Variants in PRAMEF2 observed in about 807,000 individuals in gnomAD.
PRAMEF2 encodes the protein PRAME family member 2.
A neutral mutation model predicts 38.0 loss-of-function variants in PRAMEF2; 35 were observed. The observed-to-expected ratio is 0.92, with a 90% CI of 0.70 to 1.22. PRAMEF2 has a LOEUF of 1.22. Among genes scored for constraint, PRAMEF2 ranks in the 50% most tolerant of loss-of-function variants. The probability of loss-of-function intolerance (pLI) is 0.00; values close to 1 mark genes in which losing one functional copy is unlikely to be tolerated. For missense variants in PRAMEF2, 562 were observed against 553.9 expected (o/e 1.01, Z -0.15); for synonymous variants, 240 against 232.4 (o/e 1.03, Z -0.30).
At position 12,859,996 on chromosome 1, in the gene PRAMEF2, G is replaced by C. The variant is rs776103602; in HGVS notation, c.591G>C (p.Lys197Asn). The change falls in exon 3 of 4, where the codon AAG (lysine) becomes AAC (asparagine). Residue 197 changes from lysine to asparagine, a missense_variant. Physicochemically the swap from Lys to Asn is moderately conservative, Grantham distance 94. Around this residue, in one of 2 missense-constraint regions of PRAMEF2, gnomAD observed 486 missense variants for 444.2 expected, o/e 1.09. Coordinates refer to ENST00000240189, the MANE Select transcript of PRAMEF2 (RefSeq NM_023014.1). ...TAACGCCAATTAAATATCTCAGAAA[G>C]TCATTGAAAATAATATACATTAATA... is the stretch of plus-strand genomic sequence containing the variant. ...NYLTPIKYLRKSLKIIYINSI... is the reference protein window; with the variant it reads ...NYLTPIKYLRNSLKIIYINSI... 13 of 1,607,562 alleles carry C rather than the reference G, an allele frequency of 8.1e-6. 1 individual carries two copies. Among genetic ancestry groups the C allele is most frequent in the South Asian group, 6.6e-5 (6 of 90,672 alleles).
In PRAMEF2 at chr1:12,858,995, T is replaced by C. The variant is rs2100388565; in HGVS notation, c.-15T>C. On this transcript the variant is annotated 5_prime_UTR_variant, in exon 2 of 4. Transcript: ENST00000240189. ...GGATTTGTCTTCTAGAGATTTTTCTTGCAGATCCATCAGGATGAGCATCCA... is the reference window on the plus strand; with the variant it reads ...GGATTTGTCTTCTAGAGATTTTTCTCGCAGATCCATCAGGATGAGCATCCA... 6.3e-7 allele frequency: 1 copy of C among 1,597,008 alleles called. No individual in the cohort carries two copies. Among genetic ancestry groups the C allele is most frequent in the South Asian group, 1.1e-5 (1 of 90,118 alleles).
chr1:12,859,072 G>A lies in PRAMEF2; in HGVS notation c.63G>A (p.Gln21=). ...CGGGGCAGAGCCTGCTGAGAGACCA[G>A]GCCTTGTCCATCTCTGCCATGGAGG... The part of the protein sequence containing the change: ...ELAGQSLLRD[Q]ALSISAMEEL... Residue 21 remains glutamine, a synonymous_variant, in exon 2 of 4, where the codon CAG becomes CAA. Transcript: ENST00000240189. 6.2e-7 allele frequency: 1 copy of A among 1,604,380 alleles called. No individual in the cohort carries two copies. The highest frequency in any genetic ancestry group is 8.5e-7 in the Non-Finnish European group (1 of 1,176,398).
Position 12,859,944 on chromosome 1 carries a change from T to C in PRAMEF2, c.539T>C (p.Leu180Pro). Residue 180 changes from leucine (L) to proline (P), a missense_variant, in exon 3 of 4, where the codon CTG (leucine) becomes CCG (proline). Physicochemically the swap from Leu to Pro is moderately conservative, Grantham distance 98 (BLOSUM62 -3). Coordinates refer to ENST00000240189, the MANE Select transcript of PRAMEF2 (RefSeq NM_023014.1). ...TACCAAAGGAGAGGTTTAGTACACCTGTGCTGTAGTAAGCTGGTCAATTAT... is the reference window on the plus strand; with the variant it reads ...TACCAAAGGAGAGGTTTAGTACACCCGTGCTGTAGTAAGCTGGTCAATTAT... Reference protein sequence around the residue: ...WVYQRRGLVHLCCSKLVNYLT... With the variant: ...WVYQRRGLVHPCCSKLVNYLT... 1.9e-6 allele frequency: 3 copies of C among 1,608,438 alleles called. No individual in the cohort carries two copies. The highest frequency in any genetic ancestry group is 2.5e-6 in the Non-Finnish European group (3 of 1,177,180).
At position 12,860,030 on chromosome 1, in the gene PRAMEF2, G is replaced by T. The variant is rs2100390807; in HGVS notation, c.625G>T (p.Glu209Ter). The T allele has an allele frequency of 6.2e-7, 1 of 1,606,854 alleles. No individual in the cohort carries two copies. The highest frequency in any genetic ancestry group is 1.1e-5 in the South Asian group (1 of 90,478). ...LKIIYINSIG[E>*]LEIHNTCWPH... ...AATAATATACATTAATAGTATTGGG[G>T]AGCTGGAAATTCACAACACGTGCTG... Residue 209 changes from glutamate to a stop codon, truncating the protein, a stop_gained, in exon 3 of 4, where the codon GAG becomes TAG. Coordinates refer to ENST00000240189, the MANE Select transcript of PRAMEF2 (RefSeq NM_023014.1). LOFTEE classifies it high-confidence loss of function.
At position 12,859,118 on chromosome 1, in the gene PRAMEF2, C is replaced by A. The variant is rs1188807939; in HGVS notation, c.109C>A (p.Leu37Ile). The A allele has an allele frequency of 6.2e-7, 1 of 1,606,418 alleles. No homozygotes were observed. The highest frequency in any genetic ancestry group is 1.3e-5 in the African/African-American group (1 of 74,200). ...GGAGGAGCTGCCCAGGGTGCTCTAT[C>A]TCCCACTCTTCAGGGAGGCCTTCAG... ...AMEELPRVLYLPLFREAFSRR... is the reference protein window; with the variant it reads ...AMEELPRVLYIPLFREAFSRR... The change falls in exon 2 of 4, where the codon CTC becomes ATC. Residue 37 changes from leucine (L) to isoleucine (I), a missense_variant. Physicochemically the swap from Leu to Ile is conservative, Grantham distance 5 (BLOSUM62 2). This residue lies in a region of PRAMEF2 where 486 missense variants were observed against 444.2 expected (regional missense o/e 1.09). Transcript: ENST00000240189.
At chr1:12,858,747 G>C (rs1640485843) in intron 1 of PRAMEF2, among the ~76,000 whole-genome samples, 1 of 149,744 alleles carries the variant, frequency 6.7e-6, no homozygotes, top group Admixed American at 6.9e-5. Context: ...GTGGAGCGAA[G>C]GATGAAAATT....
At chr1:12,858,872 G>A in intron 1 of PRAMEF2, 113 bp from the exon 2 acceptor site, 1 of 1,248,512 alleles carries the variant, frequency 8.0e-7, no homozygotes, top group Non-Finnish European at 1.1e-6. Flanking sequence ...TGGAATTGGG[G>A]TAAAGTGGTA....
intron 1 of PRAMEF2, among the ~76,000 whole-genome samples, chr1:12,858,545 G>A (rs536583455): frequency 6.7e-6 from 1 of 150,158 alleles, no homozygotes; most frequent in African/African-American, 2.4e-5. Context: ...TAATGGCATC[G>A]ATTTTAGGGA....
In PRAMEF2 at chr1:12,859,380, T is replaced by G. The variant is rs1429549175; in HGVS notation, c.287+84T>G. 11 of 1,598,978 alleles carry G rather than the reference T, an allele frequency of 6.9e-6. 1 individual carries two copies. Among genetic ancestry groups the G allele is most frequent in the South Asian group, 6.7e-5 (6 of 90,002 alleles). ...GGGTCAGGCAGAGAAGTAACCCAAG[T>G]GCGGCCCAGAGTCTTCTGATGGTGT... On this transcript the variant is annotated intron_variant, in intron 2 of 3. Transcript: ENST00000240189.
chr1:12,860,415 T>A (rs1640528468), intron 3 of PRAMEF2, 144 bp downstream of exon 3: 2 of 1,496,594 alleles, frequency 1.3e-6, no homozygotes, highest in Admixed American at 4.2e-5. Flanking sequence ...ATTGTCCCAT[T>A]CAGTGTTCCA....
Position 12,860,000 on chromosome 1 carries a change from T to A in PRAMEF2, c.595T>A (p.Leu199Met). 1 of 1,607,454 alleles carries A rather than the reference T, an allele frequency of 6.2e-7. No individual in the cohort carries two copies. The highest frequency in any genetic ancestry group is 8.5e-7 in the Non-Finnish European group (1 of 1,176,786). The change falls in exon 3 of 4, where the codon TTG (leucine) becomes ATG (methionine). Residue 199 changes from leucine to methionine, a missense_variant. By Grantham distance (15) the Leu-to-Met change is conservative. Coordinates refer to ENST00000240189, the MANE Select transcript of PRAMEF2 (RefSeq NM_023014.1). ...LTPIKYLRKS[L>M]KIIYINSIGE... ...GCCAATTAAATATCTCAGAAAGTCATTGAAAATAATATACATTAATAGTAT... is the reference window on the plus strand; with the variant it reads ...GCCAATTAAATATCTCAGAAAGTCAATGAAAATAATATACATTAATAGTAT...
intron 3 of PRAMEF2, among the ~76,000 whole-genome samples, chr1:12,860,739 C>T (rs144006670): frequency 0.046 from 6,852 of 149,658 alleles, 99 homozygotes; most frequent in East Asian, 0.22. Flanking sequence ...GTTTTGAACT[C>T]CAGGAAAGGT....
rs185428495 is a variant in PRAMEF2 at position 12,857,687 on chromosome 1, C to A, written c.-26+540C>A. Among the ~76,000 whole-genome samples the A allele has an allele frequency of 1.4e-3, 204 of 141,986 alleles. 13 individuals carry two copies. The Middle Eastern group carries it at 0.019, about 13-fold the overall frequency. The allele number at this position is 141,986 out of a possible 152,430, so 93.1% of individuals were successfully genotyped here. On this transcript the variant is annotated intron_variant, in intron 1 of 3. Coordinates refer to ENST00000240189, the MANE Select transcript of PRAMEF2 (RefSeq NM_023014.1). ...AGTGCTCTAGAATAGCATGGTAGCA[C>A]TTTTACAGTTTCTGGTTGATTTTTT...
rs758988826 is a variant in PRAMEF2, at chr1:12,859,782, C to T, written c.377C>T (p.Pro126Leu). The change falls in exon 3 of 4, where the codon CCA (proline) becomes CTA (leucine). Residue 126 changes from proline to leucine, a missense_variant. Pro to Leu is a moderately conservative substitution (Grantham distance 98). Transcript: ENST00000240189. Reference protein sequence around the residue: ...WPGAWALSCFPEAMSKRQTAE... With the variant: ...WPGAWALSCFLEAMSKRQTAE... ...GGAGCCTGGGCCCTGTCCTGCTTCC[C>T]AGAGGCCATGAGTAAGAGGCAGACA... 5.6e-6 allele frequency: 9 copies of T among 1,606,794 alleles called. 1 individual carries two copies. The highest frequency in any genetic ancestry group is 2.7e-5 in the African/African-American group (2 of 74,324).
rs1446456858 is a variant in PRAMEF2, at chr1:12,859,984, A to G, written c.579A>G (p.Lys193=). ...SKLVNYLTPI[K]YLRKSLKIIY... The stretch of plus-strand genomic sequence containing the variant: ...TGGTCAATTATCTAACGCCAATTAA[A>G]TATCTCAGAAAGTCATTGAAAATAA... Residue 193 remains lysine (K), a synonymous_variant, in exon 3 of 4, where the codon AAA becomes AAG. Transcript: ENST00000240189. 10 of 1,607,662 alleles carry G rather than the reference A, an allele frequency of 6.2e-6. No homozygotes were observed. The highest frequency in any genetic ancestry group is 1.1e-5 in the South Asian group (1 of 90,698).
Position 12,860,361 on chromosome 1 carries a change from C to T in PRAMEF2, c.866+90C>T, listed in dbSNP as rs546386968. On this transcript the variant is annotated intron_variant, in intron 3 of 3. Transcript: ENST00000240189. ...TTAGAAGGCGTGTACTGTGTGCCAG[C>T]CAGTGGCAACGTCACAGTGAAGGGA... is the stretch of plus-strand genomic sequence containing the variant. The T allele has an allele frequency of 2.7e-5, 42 of 1,559,490 alleles. 1 individual carries two copies. In the South Asian group the frequency reaches 4.7e-4, roughly 17 times the overall value.
intron 2 of PRAMEF2, 54 bp downstream of exon 2, chr1:12,859,350 C>G: frequency 6.2e-7 from 1 of 1,605,738 alleles, no homozygotes; most frequent in Non-Finnish European, 8.5e-7. Flanking sequence ...AGGGAAAGAA[C>G]AGCAGGGTCA....
chr1:12,861,065 AG>A lies in PRAMEF2; in HGVS notation c.867-153del, dbSNP rs924394934. On this transcript the variant is annotated intron_variant, in intron 3 of 3. Coordinates refer to ENST00000240189, the MANE Select transcript of PRAMEF2 (RefSeq NM_023014.1). Reference sequence around the variant, plus strand: ...AAAATGGGACAGCCCCTGAACGATCAGGGTCCTCATCATGCAGCAACTTCCA... The same window carrying A: ...AAAATGGGACAGCCCCTGAACGATCAGGTCCTCATCATGCAGCAACTTCCA... 2.6e-4 allele frequency among the ~76,000 whole-genome samples: 39 copies of A among 149,052 alleles called. 1 individual carries two copies. The highest frequency in any genetic ancestry group is 4.5e-4 in the Non-Finnish European group (30 of 66,994).
intron 2 of PRAMEF2, 152 bp downstream of exon 2, chr1:12,859,448 T>C: frequency 6.9e-7 from 1 of 1,453,862 alleles, no homozygotes; most frequent in Non-Finnish European, 9.3e-7. Context: ...GTCCAGATCC[T>C]CAGAGAAAGG....
Sources: gnomAD v4.1 joint callset for allele counts (sites outside exome capture counted in the v4.1 genomes callset) on GRCh38, gnomAD v4.1.1 for gene constraint, gnomAD v4.1.1 regional missense constraint, MANE v1.5 for transcripts, NCBI Gene and HGNC (gene_info 2026-07-23, HGNC 2026-07-21) for gene names.